Variants in DSCAML1 observed in about 807,000 individuals in gnomAD.
DSCAML1 encodes the protein DS cell adhesion molecule like 1.
Under a neutral mutation model 200.5 loss-of-function variants are expected in DSCAML1, and 38 were observed. The ratio of observed to expected loss-of-function variants is 0.19; its 90% CI spans 0.15 to 0.25. The LOEUF (loss-of-function observed/expected upper bound fraction) is 0.25. Ranked by LOEUF, DSCAML1 falls within the 10% of genes least tolerant of loss-of-function variation. The probability of loss-of-function intolerance (pLI) is 1.00; values close to 1 mark genes in which losing one functional copy is unlikely to be tolerated. For missense variants in DSCAML1, 2,223 were observed against 2,858.8 expected (o/e 0.78, Z 5.07); for synonymous variants, 1,215 against 1,165.0 (o/e 1.04, Z -0.87).
intron 3 of DSCAML1, among the ~76,000 whole-genome samples, chr11:117,638,607 T>C (rs983409531): frequency 6.6e-6 from 1 of 152,168 alleles, no homozygotes; most frequent in African/African-American, 2.4e-5. Context: ...TTCTGGATAC[T>C]TTATATAAAG....
At chr11:117,617,680 G>GCGCACACACACA (rs1395796967) in intron 3 of DSCAML1, among the ~76,000 whole-genome samples, 10 of 142,908 alleles carry the variant, frequency 7.0e-5, no homozygotes, top group African/African-American at 2.4e-4. Context: ...ACAGGTACAC[G>GCGCACACACACA]CACACACACA....
chr11:117,809,536 C>A (rs1247018454), intron 1 of DSCAML1, among the ~76,000 whole-genome samples: 1 of 152,218 alleles, frequency 6.6e-6, no homozygotes, highest in Non-Finnish European at 1.5e-5. Context: ...TGCAGTACAA[C>A]ATAGACGGCG....
rs528990462 is a variant in DSCAML1 at position 117,505,554 on chromosome 11, C to A, written c.1962G>T (p.Leu654=). 9.7e-5 allele frequency: 157 copies of A among 1,613,538 alleles called. No homozygotes were observed. The highest frequency in any genetic ancestry group is 1.3e-4 in the Non-Finnish European group (152 of 1,180,016). ...TIESKEFMSS[L]QISSVSLKHN... ...GCTTGAGGGAGACGCTAGAGATCTGCAGGGAGCTCATGAATTCCTTGCTCT... is the reference window on the plus strand; with the variant it reads ...GCTTGAGGGAGACGCTAGAGATCTGAAGGGAGCTCATGAATTCCTTGCTCT... The change falls in exon 9 of 33, where the codon CTG becomes CTT. Residue 654 remains leucine, a synonymous_variant. Coordinates refer to ENST00000651296, the MANE Select transcript of DSCAML1 (RefSeq NM_020693.4). The surrounding 1 kb of genome is among the most constrained non-coding windows in gnomAD (Gnocchi z 6.7).
chr11:117,715,404 T>C (rs1446256412), intron 3 of DSCAML1, among the ~76,000 whole-genome samples: 1 of 152,216 alleles, frequency 6.6e-6, no homozygotes, highest in East Asian at 1.9e-4. Context: ...AGTCTCTGTA[T>C]AGAAGTTAAT....
At chr11:117,464,880 G>C (rs1380927046) in intron 17 of DSCAML1, 62 bp downstream of exon 17, 3 of 1,581,580 alleles carry the variant, frequency 1.9e-6, no homozygotes, top group Non-Finnish European at 2.6e-6. Context: ...AACCCTCTCT[G>C]GCAGCCCTGG....
intron 3 of DSCAML1, among the ~76,000 whole-genome samples, chr11:117,692,793 A>G (rs2053520479): frequency 6.6e-6 from 1 of 151,608 alleles, no homozygotes. Context: ...GGATGGGGAG[A>G]CTCCGTTGAA....
chr11:117,763,372 G>A (rs1292240440), intron 3 of DSCAML1, among the ~76,000 whole-genome samples: 7 of 151,448 alleles, frequency 4.6e-5, no homozygotes, highest in Non-Finnish European at 1.0e-4. Context: ...GGGCAAGGGA[G>A]GCTGTGTCAG....
chr11:117,518,786 T>G lies in DSCAML1; in HGVS notation c.1214-24A>C. The G allele has an allele frequency of 6.3e-7, 1 of 1,599,504 alleles. No individual in the cohort carries two copies. Among genetic ancestry groups the G allele is most frequent in the East Asian group, 2.2e-5 (1 of 44,698 alleles). On this transcript the variant is annotated intron_variant, in intron 6 of 32. Coordinates refer to ENST00000651296, the MANE Select transcript of DSCAML1 (RefSeq NM_020693.4). The surrounding 1 kb of genome is among the most constrained non-coding windows in gnomAD (Gnocchi z 6.3). Reference sequence around the variant, plus strand: ...ATCTGCAGGGAGCGAGAAGCCCCCTTCAGGGTCACCAAGCCATGGAGAGAC... The same window carrying G: ...ATCTGCAGGGAGCGAGAAGCCCCCTGCAGGGTCACCAAGCCATGGAGAGAC...
In DSCAML1 at chr11:117,505,656, G is replaced by A. The variant is rs1321100564; in HGVS notation, c.1860C>T (p.Ser620=). The A allele has an allele frequency of 1.2e-6, 2 of 1,613,888 alleles. No individual in the cohort carries two copies. Among genetic ancestry groups the A allele is most frequent in the Non-Finnish European group, 1.7e-6 (2 of 1,180,042 alleles). Residue 620 remains serine, a synonymous_variant, in exon 9 of 33, where the codon TCC becomes TCT. Coordinates refer to ENST00000651296, the MANE Select transcript of DSCAML1 (RefSeq NM_020693.4). The surrounding 1 kb of genome is among the most constrained non-coding windows in gnomAD (Gnocchi z 6.7). ...TGATACGGATGGGCATGTCCCCCGA[G>A]GACACCACACAGGGAATGTAGAGCA... ...GQLLYIPCVV[S]SGDMPIRITW... is the part of the protein sequence containing the mutation.
chr11:117,695,363 A>G (rs2053573436), intron 3 of DSCAML1, among the ~76,000 whole-genome samples: 1 of 144,690 alleles, frequency 6.9e-6, no homozygotes. Flanking sequence ...TAGATTTGAA[A>G]TGAAAAAGGT....
chr11:117,632,608 G>A (rs1178385309), intron 3 of DSCAML1, among the ~76,000 whole-genome samples: 4 of 152,210 alleles, frequency 2.6e-5, no homozygotes, highest in African/African-American at 9.6e-5. Context: ...AGTAGGAGCC[G>A]TAGTAGACTT....
At chr11:117,626,408 T>G (rs1026239741) in intron 3 of DSCAML1, among the ~76,000 whole-genome samples, 5 of 152,288 alleles carry the variant, frequency 3.3e-5, no homozygotes, top group African/African-American at 1.2e-4. Flanking sequence ...GCCTGATTGC[T>G]TTCAGGGGTG....
intron 3 of DSCAML1, among the ~76,000 whole-genome samples, chr11:117,715,820 G>C (rs1020424138): frequency 6.6e-6 from 1 of 152,172 alleles, no homozygotes; most frequent in African/African-American, 2.4e-5. Flanking sequence ...TCCCAGACGA[G>C]TGCAGAACTA....
intron 3 of DSCAML1, among the ~76,000 whole-genome samples, chr11:117,537,778 C>T (rs1010556831): frequency 6.6e-6 from 1 of 152,180 alleles, no homozygotes; most frequent in Non-Finnish European, 1.5e-5. Flanking sequence ...ATGCACGTAA[C>T]AGCAACGAAA....
In DSCAML1 at chr11:117,505,734, T is replaced by TG; in HGVS notation, c.1784-3dup. The TG allele has an allele frequency of 6.2e-7, 1 of 1,605,850 alleles. No homozygotes were observed. On this transcript the variant is annotated splice_polypyrimidine_tract_variant and splice_region_variant and intron_variant, in intron 8 of 32. Transcript: ENST00000651296. This position sits in a 1 kb window ranked among gnomAD's most constrained non-coding sequence, Gnocchi z 6.7. Reference sequence around the variant, plus strand: ...CGAAGGGCTGGATCAGAGGGGGCACTGGGAAGGCAAGCGGGTGCTGCCGTC... The same window carrying TG: ...CGAAGGGCTGGATCAGAGGGGGCACTGGGGAAGGCAAGCGGGTGCTGCCGTC...
At chr11:117,481,153 G>T in intron 13 of DSCAML1, 21 bp downstream of exon 13, 3 of 1,611,852 alleles carry the variant, frequency 1.9e-6, no homozygotes, top group Non-Finnish European at 2.5e-6. Context: ...GGGATGGGAA[G>T]GGTGGGGCAG....
At chr11:117,443,773 G>A in intron 21 of DSCAML1, 113 bp downstream of exon 21, 1 of 1,437,214 alleles carries the variant, frequency 7.0e-7, no homozygotes, top group Non-Finnish European at 9.3e-7. Context: ...GTTCCTCACA[G>A]CTGGGTGGCA....
At chr11:117,717,473 C>G (rs2053970823) in intron 3 of DSCAML1, among the ~76,000 whole-genome samples, 1 of 152,224 alleles carries the variant, frequency 6.6e-6, no homozygotes, top group Non-Finnish European at 1.5e-5. Context: ...CAGGCAGGTT[C>G]CAACTGACTG....
intron 19 of DSCAML1, among the ~76,000 whole-genome samples, chr11:117,457,698 G>C (rs972885949): frequency 3.3e-5 from 5 of 152,176 alleles, no homozygotes; most frequent in Non-Finnish European, 5.9e-5. Context: ...CTGGGAGCTG[G>C]TCCAGTCCCC....
Sources: allele counts gnomAD v4.1 joint callset (sites outside exome capture counted in the v4.1 genomes callset), GRCh38; gene constraint gnomAD v4.1.1; non-coding constraint Gnocchi (gnomAD v3.1); transcripts MANE v1.5; gene names NCBI Gene and HGNC (gene_info 2026-07-23, HGNC 2026-07-21).